The following SAMD8 variants were observed in gnomAD, a reference collection of about 807,000 sequenced individuals.
The protein encoded by SAMD8 is sterile alpha motif domain containing 8, also known as sphingomyelin synthase-related protein 1.
SAMD8 carries 20 observed loss-of-function variants against 42.0 expected under a neutral mutation model. That is an observed-to-expected ratio of 0.48 (90% confidence interval 0.34 to 0.69). The LOEUF is 0.69. SAMD8 is among the 30% of genes least tolerant of loss of function. The probability of loss-of-function intolerance (pLI) is 0.01; values close to 1 mark genes in which losing one functional copy is unlikely to be tolerated. For missense variants in SAMD8, 328 were observed against 511.6 expected, an observed-to-expected ratio of 0.64 and a Z score of 3.46; for synonymous variants, 162 against 173.0, an observed-to-expected ratio of 0.94 and a Z score of 0.50.
chr10:75,108,182 C>T (rs766923352), upstream of SAMD8: 3 of 1,608,744 alleles, frequency 1.9e-6, no homozygotes, highest in Non-Finnish European at 2.5e-6. Flanking sequence ...CCAGCTTCCA[C>T]AGCTCAAAGC....
chr10:75,122,653 C>G (rs762916660), intron 1 of SAMD8, among the ~76,000 whole-genome samples: 1 of 151,618 alleles, frequency 6.6e-6, no homozygotes, highest in African/African-American at 2.4e-5. Context: ...CACTGTGGCT[C>G]TCTCCTGTAA....
At chr10:75,145,824 C>A (rs1293746600) in intron 1 of SAMD8, among the ~76,000 whole-genome samples, 1 of 152,204 alleles carries the variant, frequency 6.6e-6, no homozygotes, top group East Asian at 1.9e-4. Context: ...TTTTGCCTTA[C>A]TACTATGGCA....
At chr10:75,111,995 CTTGGGGGCT>C (rs1299249840) in intron 1 of SAMD8, among the ~76,000 whole-genome samples, 3 of 152,100 alleles carry the variant, frequency 2.0e-5, no homozygotes, top group Admixed American at 2.0e-4. Context: ...GAGCCCAGAG[CTTGGGGGCT>C]TTTGAAAGCT....
intron 1 of SAMD8, among the ~76,000 whole-genome samples, chr10:75,119,379 A>G (rs7072656): frequency 0.19 from 28,692 of 151,826 alleles, 2,950 homozygotes; most frequent in East Asian, 0.26. Flanking sequence ...CTGGTCTCGA[A>G]CTCCTGACCT....
chr10:75,137,600 C>G (rs890432097), intron 1 of SAMD8, among the ~76,000 whole-genome samples: 2 of 151,596 alleles, frequency 1.3e-5, no homozygotes, highest in Non-Finnish European at 2.9e-5. Context: ...ACCTTGAAGC[C>G]TAAGTGAAAT....
intron 3 of SAMD8, 146 bp downstream of exon 3, chr10:75,164,886 G>A: frequency 1.5e-6 from 1 of 649,862 alleles, no homozygotes; most frequent in Non-Finnish European, 2.7e-6. Flanking sequence ...TTTTGAGTTT[G>A]ATCAGTAAGA....
chr10:75,154,048 G>A (rs1484416551), intron 2 of SAMD8, among the ~76,000 whole-genome samples: 3 of 152,190 alleles, frequency 2.0e-5, no homozygotes, highest in Non-Finnish European at 4.4e-5. Flanking sequence ...TTACAGGTGT[G>A]AGCCACCATG....
chr10:75,100,299 C>T (rs1163551532), intron 1 of SAMD8, among the ~76,000 whole-genome samples: 2 of 152,110 alleles, frequency 1.3e-5, no homozygotes, highest in Non-Finnish European at 2.9e-5. Context: ...CTGGACTTAG[C>T]GCTATGCCTG....
intron 4 of SAMD8, among the ~76,000 whole-genome samples, chr10:75,169,895 G>A (rs1312414604): frequency 6.6e-6 from 1 of 152,198 alleles, no homozygotes; most frequent in Non-Finnish European, 1.5e-5. Flanking sequence ...GGCAACAAGA[G>A]TGAATCTGCA....
At chr10:75,111,651 G>GC (rs1848770877), upstream of SAMD8, 4 of 1,241,858 alleles carry the variant, frequency 3.2e-6, no homozygotes, top group African/African-American at 1.6e-5. Context: ...GGCGGGGAGG[G>GC]CCCCGGACTC....
intron 2 of SAMD8, among the ~76,000 whole-genome samples, chr10:75,157,425 A>G (rs1046869690): frequency 5.3e-5 from 8 of 152,152 alleles, no homozygotes; most frequent in African/African-American, 1.9e-4. Flanking sequence ...TGGCTGGGAG[A>G]GGCTGGCCTT....
At chr10:75,131,209 T>C (rs886767110) in intron 1 of SAMD8, among the ~76,000 whole-genome samples, 8 of 152,252 alleles carry the variant, frequency 5.3e-5, no homozygotes, top group African/African-American at 1.9e-4. Context: ...TTTTATAGTA[T>C]TATTTAATCT....
In SAMD8 at chr10:75,103,941, G is replaced by A. The variant is rs754952755; in HGVS notation, c.-16+4213G>A. On this transcript the variant is annotated intron_variant, in intron 1 of 3. Coordinates refer to the SAMD8 transcript ENST00000447533. ...CTGAGAGGGGGTGTAGGCGCCAGGA[G>A]GAGCCAGATGGAGTAGCAGGCTCTA... 5 of 1,321,176 alleles carry A rather than the reference G, an allele frequency of 3.8e-6. No individual in the cohort carries two copies. The South Asian group carries it at 6.1e-5, about 16-fold the overall frequency. 81.8% of individuals were successfully genotyped at this position (1,321,176 alleles called of 1,614,324 possible). A position where few individuals can be genotyped will look rare whatever the true frequency, so the allele number is the denominator to read the frequency against.
chr10:75,160,768 T>G (rs879730591), intron 2 of SAMD8, among the ~76,000 whole-genome samples: 3 of 152,174 alleles, frequency 2.0e-5, no homozygotes, highest in Non-Finnish European at 4.4e-5. Context: ...GAGGTAAGTT[T>G]ATTTGTACTT....
chr10:75,131,307 C>G (rs1849269139), intron 1 of SAMD8, among the ~76,000 whole-genome samples: 1 of 152,178 alleles, frequency 6.6e-6, no homozygotes, highest in East Asian at 1.9e-4. Flanking sequence ...TTCGAGGTGC[C>G]TTTGCACACA....
rs193195585 is a variant in SAMD8, at chr10:75,119,632, G to C, written c.-16+7910G>C. On this transcript the variant is annotated intron_variant, in intron 1 of 5. Coordinates refer to ENST00000542569, the MANE Select transcript of SAMD8 (RefSeq NM_001174156.2). ...TTTCTGCACACACATGCACACACAC[G>C]TGCGCACACGTGAGAAGTGAAACTA... 1.3e-5 allele frequency among the ~76,000 whole-genome samples: 2 copies of C among 152,238 alleles called. 1 individual carries two copies. Among genetic ancestry groups the C allele is most frequent in the African/African-American group, 4.8e-5 (2 of 41,544 alleles).
chr10:75,117,819 G>A (rs1431126646), intron 1 of SAMD8, among the ~76,000 whole-genome samples: 2 of 152,176 alleles, frequency 1.3e-5, no homozygotes, highest in Non-Finnish European at 2.9e-5. Flanking sequence ...CTTCTTTACT[G>A]GTTTGCTGTG....
At chr10:75,105,933 G>A in intron 1 of SAMD8, 4 of 1,478,200 alleles carry the variant, frequency 2.7e-6, no homozygotes, top group Non-Finnish European at 3.7e-6. Flanking sequence ...GCTGGGATGG[G>A]GACCCAAGTT....
At chr10:75,172,748 G>T (rs373909991) in intron 4 of SAMD8, among the ~76,000 whole-genome samples, 2 of 151,890 alleles carry the variant, frequency 1.3e-5, no homozygotes, top group African/African-American at 4.8e-5. Context: ...CACCTGCCTC[G>T]ACCTCCGAAA....
Sources: allele counts gnomAD v4.1 joint callset (sites outside exome capture counted in the v4.1 genomes callset), GRCh38; gene constraint gnomAD v4.1.1; transcripts MANE v1.5; gene names NCBI Gene and HGNC (gene_info 2026-07-23, HGNC 2026-07-21).